RIT2: variants seen among roughly 807,000 people sequenced by gnomAD.
RIT2 encodes the protein GTP-binding protein Rit2.
RIT2 carries 24 observed loss-of-function variants against 23.7 expected under a neutral mutation model. The ratio of observed to expected loss-of-function variants is 1.01; its 90% confidence interval spans 0.73 to 1.43. The LOEUF (loss-of-function observed/expected upper bound fraction) is 1.43, where lower values mean the gene tolerates loss of function less well. RIT2 is among the 40% of genes most tolerant of loss of function. The pLI is 0.00. For missense variants in RIT2, 236 were observed against 266.9 expected (o/e 0.88, Z 0.81); for synonymous variants, 107 against 91.1 (o/e 1.17, Z -0.99).
At chr18:43,093,501 C>T (rs529373194) in intron 1 of RIT2, among the ~76,000 whole-genome samples, 1 of 149,024 alleles carries the variant, frequency 6.7e-6, no homozygotes, top group Non-Finnish European at 1.5e-5. Flanking sequence ...TATTTATTCC[C>T]CCTTTGTTTT....
At chr18:42,826,965 T>A (rs1221801231) in intron 4 of RIT2, among the ~76,000 whole-genome samples, 1 of 152,126 alleles carries the variant, frequency 6.6e-6, no homozygotes, top group Non-Finnish European at 1.5e-5. Flanking sequence ...AGAAAATAAA[T>A]CCAGGTTATG....
intron 4 of RIT2, among the ~76,000 whole-genome samples, chr18:42,883,948 G>A (rs1233844728): frequency 6.6e-6 from 1 of 152,096 alleles, no homozygotes; most frequent in Non-Finnish European, 1.5e-5. Flanking sequence ...CATTATAAAA[G>A]TTTGTAGGTT....
intron 2 of RIT2, among the ~76,000 whole-genome samples, chr18:43,009,710 A>G (rs1322311265): frequency 6.6e-6 from 1 of 151,762 alleles, no homozygotes; most frequent in Non-Finnish European, 1.5e-5. Flanking sequence ...ATTCTAAAAC[A>G]TGTTCCACCC....
chr18:42,945,745 C>G (rs571006086), intron 3 of RIT2, among the ~76,000 whole-genome samples: 101 of 152,116 alleles, frequency 6.6e-4, no homozygotes, highest in African/African-American at 2.3e-3. Flanking sequence ...TGTGCAAGGA[C>G]GCATCATATC....
intron 1 of RIT2, among the ~76,000 whole-genome samples, chr18:43,098,885 G>T (rs889204850): frequency 2.0e-5 from 3 of 151,818 alleles, no homozygotes; most frequent in Admixed American, 1.3e-4. Context: ...CATACTATAC[G>T]AAACAAACCC....
chr18:42,963,359 C>T (rs760758690), intron 3 of RIT2, among the ~76,000 whole-genome samples: 5 of 152,184 alleles, frequency 3.3e-5, no homozygotes, highest in Admixed American at 3.3e-4. Context: ...GACATGGGAA[C>T]ATCCATCATA....
At chr18:42,856,825 C>CTTT (rs760595125) in intron 4 of RIT2, among the ~76,000 whole-genome samples, 10 of 127,996 alleles carry the variant, frequency 7.8e-5, no homozygotes, top group African/African-American at 2.6e-4. Flanking sequence ...TTCTCTCTCT[C>CTTT]TCTTTTTTTT....
chr18:42,904,070 G>T (rs778254445), intron 4 of RIT2, among the ~76,000 whole-genome samples: 1 of 152,058 alleles, frequency 6.6e-6, no homozygotes, highest in Non-Finnish European at 1.5e-5. Context: ...TAAATAAAAT[G>T]TATAGTGTTC....
intron 3 of RIT2, among the ~76,000 whole-genome samples, chr18:42,948,321 G>A (rs949270615): frequency 2.0e-5 from 3 of 151,960 alleles, no homozygotes; most frequent in South Asian, 2.1e-4. Context: ...GAGGTGTGGC[G>A]GTTCCAAGTT....
At chr18:42,912,466 A>G (rs1411962016) in intron 4 of RIT2, among the ~76,000 whole-genome samples, 2 of 149,978 alleles carry the variant, frequency 1.3e-5, no homozygotes, top group Admixed American at 6.6e-5. Flanking sequence ...ACAGATGAGA[A>G]AGAAACAACT....
chr18:42,974,804 A>G (rs1029026723), intron 2 of RIT2, among the ~76,000 whole-genome samples: 4 of 152,102 alleles, frequency 2.6e-5, no homozygotes, highest in Admixed American at 2.6e-4. Flanking sequence ...AATTTCATTT[A>G]TAATGGCATC....
At chr18:42,853,287 G>A (rs1293820592) in intron 4 of RIT2, among the ~76,000 whole-genome samples, 2 of 152,150 alleles carry the variant, frequency 1.3e-5, no homozygotes, top group Non-Finnish European at 2.9e-5. Context: ...ATGATGTTGA[G>A]TTGTTACAAT....
At chr18:42,943,113 G>T (rs1330675206) in intron 3 of RIT2, among the ~76,000 whole-genome samples, 1 of 152,100 alleles carries the variant, frequency 6.6e-6, no homozygotes, top group Non-Finnish European at 1.5e-5. Flanking sequence ...GACCCGAACA[G>T]GTTGCCACTG....
chr18:43,023,805 A>G (rs1399167617), intron 2 of RIT2, among the ~76,000 whole-genome samples: 2 of 152,074 alleles, frequency 1.3e-5, no homozygotes, highest in Non-Finnish European at 2.9e-5. Context: ...AAAGAATAGA[A>G]GAGAGTGAGT....
intron 4 of RIT2, among the ~76,000 whole-genome samples, chr18:42,905,568 G>T (rs1228163419): frequency 6.6e-6 from 1 of 152,146 alleles, no homozygotes; most frequent in Non-Finnish European, 1.5e-5. Flanking sequence ...TGCCTCGCAG[G>T]TTCAAGTGAT....
intron 1 of RIT2, among the ~76,000 whole-genome samples, chr18:43,098,645 T>A (rs1913610698): frequency 6.6e-6 from 1 of 151,918 alleles, no homozygotes; most frequent in African/African-American, 2.4e-5. Context: ...CAATAACTAG[T>A]GCTTATGAGG....
intron 4 of RIT2, among the ~76,000 whole-genome samples, chr18:42,832,874 G>A (rs770211896): frequency 1.2e-4 from 18 of 151,710 alleles, no homozygotes; most frequent in Non-Finnish European, 2.2e-4. Context: ...CCAACAAGGC[G>A]AAACCCCGTC....
At chr18:42,987,118 T>C (rs1449586886) in intron 2 of RIT2, among the ~76,000 whole-genome samples, 1 of 152,130 alleles carries the variant, frequency 6.6e-6, no homozygotes, top group Non-Finnish European at 1.5e-5. Flanking sequence ...TGGTTTCAGT[T>C]ATATATATAC....
At chr18:43,027,563 T>G (rs1598753059) in intron 2 of RIT2, among the ~76,000 whole-genome samples, 1 of 151,904 alleles carries the variant, frequency 6.6e-6, no homozygotes, top group South Asian at 2.1e-4. Context: ...ATCTTCTGGG[T>G]GGGAGTCTTT....
Sources: gnomAD v4.1 joint callset for allele counts (sites outside exome capture counted in the v4.1 genomes callset) on GRCh38, gnomAD v4.1.1 for gene constraint, MANE v1.5 for transcripts, NCBI Gene and HGNC (gene_info 2026-07-23, HGNC 2026-07-21) for gene names.